Variants in CSE1L observed in about 807,000 individuals in gnomAD.
CSE1L encodes the protein chromosome segregation 1 like.
CSE1L carries 24 observed loss-of-function variants against 120.4 expected under a neutral mutation model. The observed-to-expected ratio is 0.20, with a 90% confidence interval of 0.14 to 0.28. The LOEUF (loss-of-function observed/expected upper bound fraction) is 0.28. CSE1L is among the 10% of genes least tolerant of loss of function. The pLI is 1.00. For missense variants in CSE1L, 830 were observed against 1,145.2 expected (o/e 0.72, Z 3.97); for synonymous variants, 402 against 398.3 (o/e 1.01, Z -0.11).
chr20:49,096,738 G>A lies in CSE1L; in HGVS notation c.*300G>A. 3.2e-6 allele frequency: 1 copy of A among 315,784 alleles called. No homozygotes were observed. Among genetic ancestry groups the A allele is most frequent in the Non-Finnish European group, 5.9e-6 (1 of 170,506 alleles). 19.6% of individuals were successfully genotyped at this position (315,784 alleles called of 1,614,324 possible). The stretch of plus-strand genomic sequence containing the variant: ...GTTTGGATAATCTTAAATTTTGACG[G>A]ACACTGTGGAGACTTTCTGTTACTA... On this transcript the variant is annotated 3_prime_UTR_variant, in exon 25 of 25. Transcript: ENST00000262982.
rs1439793698 is a variant in CSE1L, at chr20:49,076,912, G to A, written c.1336-68G>A. The A allele has an allele frequency of 5.0e-6, 5 of 1,001,024 alleles. No individual in the cohort carries two copies. The African/African-American group carries it at 6.6e-5, about 13-fold the overall frequency. 62.0% of individuals were successfully genotyped at this position (1,001,024 alleles called of 1,614,324 possible). On this transcript the variant is annotated intron_variant, in intron 12 of 24. Transcript: ENST00000262982. ...TTAACATGGTTTTCTAAAATTGCCT[G>A]AATTTCTAATGTGATAGATATATAC...
chr20:49,088,165 C>A, intron 17 of CSE1L, 59 bp downstream of exon 17: 1 of 1,145,562 alleles, frequency 8.7e-7, no homozygotes, highest in South Asian at 1.3e-5. Flanking sequence ...ACTGTTTGGG[C>A]CTCAGAACTC....
chr20:49,083,677 AC>A, intron 14 of CSE1L, among the ~76,000 whole-genome samples: 1 of 152,242 alleles, frequency 6.6e-6, no homozygotes, highest in Non-Finnish European at 1.5e-5. Context: ...AAAATGAGAC[AC>A]AAAAAGGTTA....
chr20:49,054,985 G>A (rs1000584746), intron 1 of CSE1L, among the ~76,000 whole-genome samples: 1 of 152,182 alleles, frequency 6.6e-6, no homozygotes, highest in Admixed American at 6.6e-5. Context: ...ACATAACCCC[G>A]TGACTCCCTT....
At chr20:49,091,385 C>G (rs2092099889) in intron 21 of CSE1L, among the ~76,000 whole-genome samples, 1 of 151,638 alleles carries the variant, frequency 6.6e-6, no homozygotes, top group African/African-American at 2.4e-5. Context: ...AGATTACACC[C>G]ACTGCACTCC....
chr20:49,074,005 A>G (rs1257311365), intron 10 of CSE1L, among the ~76,000 whole-genome samples: 4 of 152,002 alleles, frequency 2.6e-5, no homozygotes, highest in Non-Finnish European at 5.9e-5. Context: ...ACTTGAGCCC[A>G]GGAGTTAAAG....
Position 49,066,275 on chromosome 20 carries a change from A to G in CSE1L, c.312A>G (p.Pro104=), listed in dbSNP as rs770505854. ...TAGTGCACTTGATGCTTAGCAGCCC[A>G]GAGCAAATTCAGAAGCAGGTAATGT... ...ANIVHLMLSS[P]EQIQKQLSDA... Residue 104 remains proline, a synonymous_variant, in exon 4 of 25, where the codon CCA becomes CCG. Transcript: ENST00000262982. The G allele has an allele frequency of 2.7e-5, 43 of 1,614,112 alleles. No individual in the cohort carries two copies. Among genetic ancestry groups the G allele is most frequent in the Non-Finnish European group, 3.6e-5 (42 of 1,180,044 alleles).
At chr20:49,087,406 G>A (rs1179770289) in intron 16 of CSE1L, among the ~76,000 whole-genome samples, 2 of 142,468 alleles carry the variant, frequency 1.4e-5, no homozygotes, top group Non-Finnish European at 3.0e-5. Context: ...CTCCCAGGCT[G>A]GAGTGCAGTG....
chr20:49,074,176 AGTGTGTGTGTGTGTGT>A lies in CSE1L; in HGVS notation c.1067-582_1067-567del, dbSNP rs71184254. On this transcript the variant is annotated intron_variant, in intron 10 of 24. Transcript: ENST00000262982. ...CAGTGAGACATGATCATACAACTGC[AGTGTGTGTGTGTGTGT>A]GTGTGTGTGTGTGTGTGTGTGTGTG... Among the ~76,000 whole-genome samples, 1,145 of 115,452 alleles carry A rather than the reference AGTGTGTGTGTGTGTGT, an allele frequency of 9.9e-3. 17 individuals carry two copies. The highest frequency in any genetic ancestry group is 0.033 in the African/African-American group (1,013 of 31,088). The allele number at this position is 115,452 out of a possible 152,430, so 75.7% of individuals were successfully genotyped here.
intron 3 of CSE1L, among the ~76,000 whole-genome samples, chr20:49,065,786 G>C (rs2091888086): frequency 6.6e-6 from 1 of 151,666 alleles, no homozygotes; most frequent in Non-Finnish European, 1.5e-5. Context: ...TAGAGACATG[G>C]TTTCACCATG....
At chr20:49,088,175 CTT>C in intron 17 of CSE1L, 69 bp downstream of exon 17, 1 of 1,042,858 alleles carries the variant, frequency 9.6e-7, no homozygotes, top group Non-Finnish European at 1.5e-6. Flanking sequence ...CCTCAGAACT[CTT>C]TGGCATTACG....
chr20:49,049,024 G>A (rs1211149232), intron 1 of CSE1L, among the ~76,000 whole-genome samples: 1 of 152,190 alleles, frequency 6.6e-6, no homozygotes, highest in Non-Finnish European at 1.5e-5. Context: ...AGGGCCTGTG[G>A]GAAGATGCTA....
At chr20:49,054,491 G>A (rs989747011) in intron 1 of CSE1L, among the ~76,000 whole-genome samples, 6 of 152,170 alleles carry the variant, frequency 3.9e-5, no homozygotes, top group African/African-American at 1.4e-4. Flanking sequence ...AATAGAAAGA[G>A]GGTAGACCTA....
chr20:49,077,341 G>A (rs1166747036), intron 13 of CSE1L, among the ~76,000 whole-genome samples: 1 of 151,900 alleles, frequency 6.6e-6, no homozygotes, highest in Non-Finnish European at 1.5e-5. Flanking sequence ...TGTATTTTTA[G>A]TAGAGACGGG....
chr20:49,084,445 A>G (rs2426125), intron 15 of CSE1L, among the ~76,000 whole-genome samples: 52,632 of 152,014 alleles, frequency 0.35, 10,092 homozygotes, highest in African/African-American at 0.52. Context: ...AGAAACTCCA[A>G]ATTTTATTTG....
At chr20:49,047,219 G>A (rs1403322275) in intron 1 of CSE1L, among the ~76,000 whole-genome samples, 1 of 152,104 alleles carries the variant, frequency 6.6e-6, no homozygotes, top group East Asian at 1.9e-4. Flanking sequence ...ATCTCACTGA[G>A]CCTCCATTTC....
At chr20:49,084,721 T>TAGACC (rs1334131153) in intron 15 of CSE1L, among the ~76,000 whole-genome samples, 1 of 152,188 alleles carries the variant, frequency 6.6e-6, no homozygotes, top group African/African-American at 2.4e-5. Context: ...GAGGAATGGA[T>TAGACC]GGTCTGCATG....
intron 1 of CSE1L, among the ~76,000 whole-genome samples, chr20:49,046,852 G>T (rs940589226): frequency 7.9e-5 from 12 of 152,222 alleles, no homozygotes; most frequent in Admixed American, 6.5e-5. Flanking sequence ...CTGAGTGTGC[G>T]GCGGCGAGGC....
rs1349126551 is a variant in CSE1L, at chr20:49,096,093, A to G, written c.2827-256A>G. ...ACGCGTAAGTACCTTATTCTACATC[A>G]TTAACCAGTAAGGACTTTTTAATTA... On this transcript the variant is annotated intron_variant, in intron 24 of 24. Coordinates refer to ENST00000262982, the MANE Select transcript of CSE1L (RefSeq NM_001316.4). 6.2e-6 allele frequency: 4 copies of G among 641,568 alleles called. No homozygotes were observed. The East Asian group carries it at 1.2e-4, about 19-fold the overall frequency. The allele number at this position is 641,568 out of a possible 1,614,324, so 39.7% of individuals were successfully genotyped here.
Sources: allele counts gnomAD v4.1 joint callset (sites outside exome capture counted in the v4.1 genomes callset), GRCh38; gene constraint gnomAD v4.1.1; transcripts MANE v1.5; gene names NCBI Gene and HGNC (gene_info 2026-07-23, HGNC 2026-07-21).